NEO1: variants seen among roughly 807,000 people sequenced by gnomAD.
NEO1 encodes the protein neogenin 1.
A neutral mutation model predicts 159.7 loss-of-function variants in NEO1; 63 were observed. The observed-to-expected ratio is 0.39, with a 90% confidence interval of 0.32 to 0.49. The LOEUF is 0.49. Among genes scored for constraint, NEO1 ranks in the 20% least tolerant of loss-of-function variants. The pLI is 0.85. For missense variants in NEO1, 1,615 were observed against 1,831.0 expected, an observed-to-expected ratio of 0.88 and a Z score of 2.15; for synonymous variants, 633 against 662.0, an observed-to-expected ratio of 0.96 and a Z score of 0.67.
chr15:73,182,449 T>G (rs554776757), intron 7 of NEO1, among the ~76,000 whole-genome samples: 40 of 152,254 alleles, frequency 2.6e-4, no homozygotes, highest in African/African-American at 8.2e-4. Context: ...CAGGTTCTCT[T>G]GAGCCCAGCA....
At chr15:73,138,483 G>A (rs1233711619) in intron 5 of NEO1, among the ~76,000 whole-genome samples, 16 of 152,190 alleles carry the variant, frequency 1.1e-4, no homozygotes, top group African/African-American at 3.9e-4. Context: ...TTGGCCGGGC[G>A]CGGTGGCTCG....
chr15:73,291,557 C>T (rs977200571), intron 25 of NEO1, among the ~76,000 whole-genome samples: 1 of 152,252 alleles, frequency 6.6e-6, no homozygotes, highest in Non-Finnish European at 1.5e-5. Flanking sequence ...AGCTGGTATT[C>T]CCTGAGCTCT....
At chr15:73,236,229 C>T in intron 7 of NEO1, 118 bp from the exon 8 acceptor site, 81 of 1,392,320 alleles carry the variant, frequency 5.8e-5, no homozygotes, top group Middle Eastern at 1.8e-4. Flanking sequence ...TTTCTGTTCT[C>T]TTTTTTAAAA....
At chr15:73,237,730 T>TA (rs1286351737) in intron 8 of NEO1, among the ~76,000 whole-genome samples, 1 of 145,966 alleles carries the variant, frequency 6.9e-6, no homozygotes, top group Admixed American at 6.6e-5. Flanking sequence ...GTTCTATACA[T>TA]AAAAAAAGGT....
chr15:73,219,356 T>G (rs980154504), intron 7 of NEO1, among the ~76,000 whole-genome samples: 2 of 146,274 alleles, frequency 1.4e-5, no homozygotes, highest in African/African-American at 5.0e-5. Context: ...TGTGGTCAAT[T>G]TTGTAATAGG....
intron 26 of NEO1, among the ~76,000 whole-genome samples, chr15:73,294,534 T>G (rs2042280831): frequency 1.3e-5 from 2 of 152,146 alleles, no homozygotes; most frequent in Non-Finnish European, 2.9e-5. Context: ...TTTTTGTTTT[T>G]CTTTGGTTTC....
chr15:73,240,484 TAGTA>T (rs1273713649), intron 8 of NEO1, among the ~76,000 whole-genome samples: 3 of 152,182 alleles, frequency 2.0e-5, no homozygotes, highest in Non-Finnish European at 2.9e-5. Context: ...TGGCAGAAAT[TAGTA>T]AGAGATTAGA....
intron 8 of NEO1, among the ~76,000 whole-genome samples, chr15:73,239,662 G>A (rs2039391934): frequency 6.6e-6 from 1 of 152,154 alleles, no homozygotes; most frequent in Non-Finnish European, 1.5e-5. Flanking sequence ...TAGCCTAGAA[G>A]CAATAGGCTA....
chr15:73,187,172 A>G (rs1420220051), intron 7 of NEO1, among the ~76,000 whole-genome samples: 1 of 152,182 alleles, frequency 6.6e-6, no homozygotes, highest in African/African-American at 2.4e-5. Context: ...AACTATTACA[A>G]AATATTTCCT....
At position 73,065,741 on chromosome 15, in the gene NEO1, A is replaced by C. The variant is rs567705758; in HGVS notation, c.130+12936A>C. ...TTGTATGTGTGGGCTGATCACTTTCATCACTTTTGGAGAGTTCTTGGCTTG... is the reference window on the plus strand; with the variant it reads ...TTGTATGTGTGGGCTGATCACTTTCCTCACTTTTGGAGAGTTCTTGGCTTG... On this transcript the variant is annotated intron_variant, in intron 1 of 28. Coordinates refer to ENST00000261908, the MANE Select transcript of NEO1 (RefSeq NM_002499.4). 7.7e-4 allele frequency among the ~76,000 whole-genome samples: 117 copies of C among 152,276 alleles called. 1 individual carries two copies. Among genetic ancestry groups the C allele is most frequent in the African/African-American group, 2.7e-3 (113 of 41,568 alleles).
At chr15:73,121,994 G>C (rs915884340) in intron 2 of NEO1, among the ~76,000 whole-genome samples, 1 of 150,324 alleles carries the variant, frequency 6.7e-6, no homozygotes, top group African/African-American at 2.4e-5. Flanking sequence ...CATTGCTACT[G>C]AAGTAATATG....
intron 1 of NEO1, among the ~76,000 whole-genome samples, chr15:73,056,751 G>C (rs564022903): frequency 1.3e-5 from 2 of 152,110 alleles, no homozygotes; most frequent in East Asian, 1.9e-4. Context: ...TTAGTTTCCA[G>C]ATCTTTTGTG....
At chr15:73,120,637 T>A (rs1205662112) in intron 2 of NEO1, among the ~76,000 whole-genome samples, 1 of 151,688 alleles carries the variant, frequency 6.6e-6, no homozygotes, top group Non-Finnish European at 1.5e-5. Context: ...AGTACTTTTT[T>A]TTTTTTTAAC....
chr15:73,251,291 AC>A (rs1189868094), intron 11 of NEO1, among the ~76,000 whole-genome samples: 10 of 152,052 alleles, frequency 6.6e-5, no homozygotes, highest in Non-Finnish European at 1.2e-4. Flanking sequence ...CGGGCAACTT[AC>A]TTGAGCCCAA....
At chr15:73,115,475 G>A (rs558037735) in intron 1 of NEO1, among the ~76,000 whole-genome samples, 12 of 152,276 alleles carry the variant, frequency 7.9e-5, no homozygotes, top group African/African-American at 2.6e-4. Flanking sequence ...CTGCCAGTGT[G>A]TTTTATATTT....
At chr15:73,174,968 G>A (rs2151946926) in intron 5 of NEO1, among the ~76,000 whole-genome samples, 1 of 152,164 alleles carries the variant, frequency 6.6e-6, no homozygotes, top group Non-Finnish European at 1.5e-5. Context: ...TCCCTCCTTG[G>A]GGGAGGTTCT....
intron 1 of NEO1, among the ~76,000 whole-genome samples, chr15:73,096,647 G>C (rs28842482): frequency 0.54 from 81,345 of 151,912 alleles, 22,110 homozygotes; most frequent in Middle Eastern, 0.6. Flanking sequence ...GAAAGCTTCA[G>C]CACAGAGTCC....
intron 1 of NEO1, among the ~76,000 whole-genome samples, chr15:73,088,326 CAG>C (rs2069480119): frequency 6.6e-6 from 1 of 151,792 alleles, no homozygotes; most frequent in East Asian, 1.9e-4. Context: ...AGCAAAAATG[CAG>C]AGAGTTGTTT....
At chr15:73,086,561 CTTT>C (rs56017937) in intron 1 of NEO1, among the ~76,000 whole-genome samples, 6 of 128,892 alleles carry the variant, frequency 4.7e-5, no homozygotes. Context: ...TATAGTATGT[CTTT>C]TTTTTTTTTT....
Sources: allele counts gnomAD v4.1 joint callset (sites outside exome capture counted in the v4.1 genomes callset), GRCh38; gene constraint gnomAD v4.1.1; transcripts MANE v1.5; gene names NCBI Gene and HGNC (gene_info 2026-07-23, HGNC 2026-07-21).